Variants in SNTG1 observed in about 807,000 individuals in gnomAD.
The protein encoded by SNTG1 is gamma-1-syntrophin.
In SNTG1, 39 loss-of-function variants were observed where a neutral mutation model predicts 74.7. The observed-to-expected ratio is 0.52, with a 90% confidence interval of 0.40 to 0.68. The LOEUF (loss-of-function observed/expected upper bound fraction) is 0.68, where lower values mean the gene tolerates loss of function less well. Among genes scored for constraint, SNTG1 ranks in the 30% least tolerant of loss-of-function variants. The pLI is 0.00. For missense variants in SNTG1, 685 were observed against 609.5 expected, an observed-to-expected ratio of 1.12 and a Z score of -1.30; for synonymous variants, 254 against 217.1, an observed-to-expected ratio of 1.17 and a Z score of -1.49.
chr8:50,735,937 A>G (rs2095527463), intron 17 of SNTG1, among the ~76,000 whole-genome samples: 1 of 152,110 alleles, frequency 6.6e-6, no homozygotes. Flanking sequence ...CAGAAACCCT[A>G]CAAGCTAGAA....
intron 1 of SNTG1, among the ~76,000 whole-genome samples, chr8:50,047,424 A>AT (rs1347048820): frequency 1.3e-5 from 2 of 152,168 alleles, no homozygotes; most frequent in South Asian, 2.1e-4. Context: ...ATAAACTTAT[A>AT]TTTTTTCATA....
chr8:49,932,210 T>C (rs1047449871), intron 1 of SNTG1, among the ~76,000 whole-genome samples: 1 of 152,186 alleles, frequency 6.6e-6, no homozygotes, highest in Non-Finnish European at 1.5e-5. Flanking sequence ...TTTTAGTTCC[T>C]ATTACAGCTT....
intron 12 of SNTG1, among the ~76,000 whole-genome samples, chr8:50,572,864 G>C (rs369391609): frequency 1.6e-4 from 24 of 152,094 alleles, no homozygotes; most frequent in African/African-American, 5.3e-4. Flanking sequence ...TAAAAAATTG[G>C]AGGAATGTTT....
At position 50,721,441 on chromosome 8, in the gene SNTG1, A is replaced by T. The variant is rs185396811; in HGVS notation, c.1284+12463A>T. ...AACTTTTCACATATGGTGGAGACAA[A>T]TTCTTAAAATAGCAGCATTATTATA... On this transcript the variant is annotated intron_variant, in intron 17 of 18. Coordinates refer to ENST00000642720, the MANE Select transcript of SNTG1 (RefSeq NM_018967.5). Among the ~76,000 whole-genome samples the T allele has an allele frequency of 1.8e-3, 268 of 152,318 alleles. 2 individuals are homozygous for T. Among genetic ancestry groups the T allele is most frequent in the Middle Eastern group, 6.8e-3 (2 of 294 alleles).
chr8:50,656,013 A>T (rs1186592411), intron 13 of SNTG1, among the ~76,000 whole-genome samples: 2 of 152,234 alleles, frequency 1.3e-5, no homozygotes, highest in East Asian at 3.9e-4. Flanking sequence ...CGACACATTC[A>T]TTAATATCCT....
At chr8:50,319,038 G>GTA (rs535117612) in intron 2 of SNTG1, among the ~76,000 whole-genome samples, 42 of 151,614 alleles carry the variant, frequency 2.8e-4, no homozygotes, top group Non-Finnish European at 4.9e-4. Flanking sequence ...ATATATGTGA[G>GTA]TATATATATC....
chr8:50,171,722 T>G (rs2082814464), intron 1 of SNTG1, among the ~76,000 whole-genome samples: 1 of 152,180 alleles, frequency 6.6e-6, no homozygotes, highest in Non-Finnish European at 1.5e-5. Flanking sequence ...GCTTCAGATT[T>G]TGAGGGAGCT....
intron 1 of SNTG1, among the ~76,000 whole-genome samples, chr8:50,062,673 C>T (rs140888872): frequency 6.6e-6 from 1 of 152,210 alleles, no homozygotes; most frequent in East Asian, 1.9e-4. Flanking sequence ...TCAGCAAAAT[C>T]TGATTTATCT....
In SNTG1 at chr8:49,950,071, G is replaced by A. The variant is rs554680747; in HGVS notation, c.-103+37840G>A. 4.6e-5 allele frequency among the ~76,000 whole-genome samples: 7 copies of A among 152,250 alleles called. No individual in the cohort carries two copies. The East Asian group carries it at 1.4e-3, about 29-fold the overall frequency. On this transcript the variant is annotated intron_variant, in intron 1 of 18. Transcript: ENST00000642720. ...GAACCTGTGAGGCAGAGGTTTCAGT[G>A]AGCTGAGATCATGCCACCACACTCC...
chr8:49,955,810 C>T (rs2385697), intron 1 of SNTG1, among the ~76,000 whole-genome samples: 96,815 of 152,074 alleles, frequency 0.64, 34,655 homozygotes, highest in East Asian at 0.86. Flanking sequence ...TGTATTCCCT[C>T]GCTGTGTCAT....
At chr8:50,486,024 A>G (rs1405142346) in intron 8 of SNTG1, among the ~76,000 whole-genome samples, 10 of 152,204 alleles carry the variant, frequency 6.6e-5, no homozygotes, top group East Asian at 5.8e-4. Context: ...TGTTCCATTG[A>G]TCTATATCTC....
chr8:50,138,384 G>C (rs556326463), intron 1 of SNTG1, among the ~76,000 whole-genome samples: 16 of 152,008 alleles, frequency 1.1e-4, no homozygotes, highest in African/African-American at 3.4e-4. Flanking sequence ...TTGGGAGGCC[G>C]AGGTGGGTGG....
At chr8:49,939,185 AC>A (rs1403115584) in intron 1 of SNTG1, among the ~76,000 whole-genome samples, 4 of 151,910 alleles carry the variant, frequency 2.6e-5, no homozygotes, top group African/African-American at 9.7e-5. Context: ...CTGTTCTCTA[AC>A]ATTCTGTATA....
At chr8:50,049,857 G>C (rs1221874861) in intron 1 of SNTG1, among the ~76,000 whole-genome samples, 4 of 152,014 alleles carry the variant, frequency 2.6e-5, no homozygotes, top group African/African-American at 9.6e-5. Flanking sequence ...AATAACACAT[G>C]GATCAAAGGA....
intron 13 of SNTG1, among the ~76,000 whole-genome samples, chr8:50,625,980 T>A (rs1039744102): frequency 2.0e-5 from 3 of 152,192 alleles, no homozygotes; most frequent in African/African-American, 7.2e-5. Flanking sequence ...TGGATTTTTT[T>A]ACACAGCCAA....
chr8:50,480,219 C>T (rs993154652), intron 8 of SNTG1, among the ~76,000 whole-genome samples: 10 of 151,996 alleles, frequency 6.6e-5, no homozygotes, highest in African/African-American at 9.7e-5. Flanking sequence ...AATTTTAATT[C>T]GCTCTGATTG....
chr8:50,517,401 C>A (rs117041784), intron 9 of SNTG1, among the ~76,000 whole-genome samples: 7,183 of 151,962 alleles, frequency 0.047, 229 homozygotes, highest in Middle Eastern at 0.092. Context: ...GGCAAAATAA[C>A]TGGGTAGCAT....
chr8:50,337,194 CTCT>C (rs765887327), intron 2 of SNTG1, among the ~76,000 whole-genome samples: 1 of 152,348 alleles, frequency 6.6e-6, no homozygotes, highest in South Asian at 2.1e-4. Context: ...ATAGTGACAA[CTCT>C]TCTTCTAATC....
chr8:50,180,750 CTTTTTTTTTTTTTTTTT>C (rs60630226), intron 2 of SNTG1, among the ~76,000 whole-genome samples: 4 of 80,648 alleles, frequency 5.0e-5, no homozygotes, highest in Non-Finnish European at 8.3e-5. Flanking sequence ...ATTGTGAAGC[CTTTTTTTTTTTTTTTTT>C]TTTTTTTTTT....
Sources: gnomAD v4.1 joint callset for allele counts (sites outside exome capture counted in the v4.1 genomes callset) on GRCh38, gnomAD v4.1.1 for gene constraint, MANE v1.5 for transcripts, NCBI Gene and HGNC (gene_info 2026-07-23, HGNC 2026-07-21) for gene names.